Variants in CACNA1A observed in about 807,000 individuals in gnomAD.
CACNA1A encodes voltage-dependent P/Q-type calcium channel subunit alpha-1A.
In CACNA1A, 57 loss-of-function variants were observed where a neutral mutation model predicts 262.4. That is an observed-to-expected ratio of 0.22 (90% confidence interval 0.18 to 0.27). The LOEUF (loss-of-function observed/expected upper bound fraction) is 0.27. Among genes scored for constraint, CACNA1A ranks in the 10% least tolerant of loss-of-function variants. The pLI, the probability that CACNA1A is intolerant of heterozygous loss-of-function variation, is 1.00. For synonymous variants in CACNA1A, 1,431 were observed against 1,419.3 expected (o/e 1.01, Z -0.18); for missense variants, 2,526 against 3,562.8 (o/e 0.71, Z 7.41).
chr19:13,255,265 GGAGA>G lies in CACNA1A; in HGVS notation c.4591-10_4591-7del. 4 of 1,586,832 alleles carry G rather than the reference GGAGA, an allele frequency of 2.5e-6. No individual in the cohort carries two copies. Among genetic ancestry groups the G allele is most frequent in the Non-Finnish European group, 3.4e-6 (4 of 1,160,548 alleles). On this transcript the variant is annotated splice_polypyrimidine_tract_variant and splice_region_variant and intron_variant, in intron 28 of 46. Transcript: ENST00000360228. ...GCGAAATCAATGCAGGCCCTCTGCG[GGAGA>G]GAGGCCAGTGGTGAGAGCGGCAGAG...
intron 22 of CACNA1A, chr19:13,277,457 G>T: frequency 4.8e-6 from 1 of 206,960 alleles, no homozygotes; most frequent in Non-Finnish European, 1.0e-5. Flanking sequence ...AGCGGCCCCA[G>T]AGAAGTTCAG....
In CACNA1A at chr19:13,308,357, C is replaced by T; in HGVS notation, c.1781+59G>A. 1.3e-6 allele frequency: 2 copies of T among 1,537,136 alleles called. No individual in the cohort carries two copies. Among genetic ancestry groups the T allele is most frequent in the Non-Finnish European group, 8.8e-7 (1 of 1,131,280 alleles). Reference sequence around the variant, plus strand: ...ACTTTCCCAACTTTCTGGAGGCGGCCCCACCATGTCCCCCATCCCCACCCC... The same window carrying T: ...ACTTTCCCAACTTTCTGGAGGCGGCTCCACCATGTCCCCCATCCCCACCCC... On this transcript the variant is annotated intron_variant, in intron 13 of 46. Transcript: ENST00000360228. The surrounding 1 kb of genome is among the most constrained non-coding windows in gnomAD (Gnocchi z 4.2).
Position 13,207,113 on chromosome 19 carries a change from C to T in CACNA1A, c.*200G>A. The T allele has an allele frequency of 1.9e-6, 1 of 515,570 alleles. No homozygotes were observed. Among genetic ancestry groups the T allele is most frequent in the Non-Finnish European group, 3.2e-6 (1 of 311,124 alleles). The allele number at this position is 515,570 out of a possible 1,614,324, so 31.9% of individuals were successfully genotyped here. ...GGCTGGTTGGGGGGCGCCGTGGCTGCCCAGGAGGGTCTCTTTTGGCCGAGG... is the reference window on the plus strand; with the variant it reads ...GGCTGGTTGGGGGGCGCCGTGGCTGTCCAGGAGGGTCTCTTTTGGCCGAGG... On this transcript the variant is annotated 3_prime_UTR_variant, in exon 47 of 47. Coordinates refer to ENST00000360228, the MANE Select transcript of CACNA1A (RefSeq NM_001127222.2). The surrounding 1 kb of genome is among the most constrained non-coding windows in gnomAD (Gnocchi z 5.7).
intron 40 of CACNA1A, chr19:13,213,700 T>TTTTTA (rs2054899218): frequency 7.5e-6 from 1 of 133,200 alleles, no homozygotes; most frequent in African/African-American, 2.8e-5. Context: ...TTTTTTTTTT[T>TTTTTA]GAGATAGAGT....
At chr19:13,244,092 C>G (rs2144687807) in intron 31 of CACNA1A, 1 of 152,398 alleles carries the variant, frequency 6.6e-6, no homozygotes, top group South Asian at 2.1e-4. Context: ...CTCTGTCTCT[C>G]CACATTGACA....
chr19:13,416,317 G>T (rs1032294345), intron 3 of CACNA1A, among the ~76,000 whole-genome samples: 1 of 151,970 alleles, frequency 6.6e-6, no homozygotes, highest in Admixed American at 6.6e-5. Context: ...TGCCCAGGCT[G>T]GTCTCAAACT....
At chr19:13,351,028 C>T (rs1035327300) in intron 6 of CACNA1A, among the ~76,000 whole-genome samples, 7 of 152,124 alleles carry the variant, frequency 4.6e-5, no homozygotes, top group South Asian at 4.1e-4. Flanking sequence ...TTGGGAAGAA[C>T]GCTATATAGG....
At chr19:13,371,349 C>T (rs907019564) in intron 4 of CACNA1A, 2 of 220,736 alleles carry the variant, frequency 9.1e-6, no homozygotes, top group African/African-American at 4.5e-5. Context: ...GTTTCAGCCA[C>T]TCTGAGCCTC....
Position 13,218,167 on chromosome 19 carries a change from T to C in CACNA1A, c.5732-3559A>G, listed in dbSNP as rs144392542. ...GTGCAATGGTGCGATCTTGGCTCAC[T>C]GCAACCTCGGCCTCCTAGTTTCAAG... On this transcript the variant is annotated intron_variant, in intron 38 of 46. Coordinates refer to ENST00000360228, the MANE Select transcript of CACNA1A (RefSeq NM_001127222.2). Among the ~76,000 whole-genome samples, 471 of 152,162 alleles carry C rather than the reference T, an allele frequency of 3.1e-3. 1 individual carries two copies. The highest frequency in any genetic ancestry group is 0.011 in the African/African-American group (444 of 41,500).
chr19:13,506,290 G>A lies in CACNA1A; in HGVS notation c.-66C>T. On this transcript the variant is annotated 5_prime_UTR_variant, in exon 1 of 47. Transcript: ENST00000360228. The stretch of plus-strand genomic sequence containing the variant: ...CGATGCGGAAGACGCCGCCGCCGCC[G>A]CCGCCGCCGCTGATGCTGAGGCTGC... 10 of 1,345,176 alleles carry A rather than the reference G, an allele frequency of 7.4e-6. No individual in the cohort carries two copies. The highest frequency in any genetic ancestry group is 1.7e-5 in the South Asian group (1 of 57,210). The allele number at this position is 1,345,176 out of a possible 1,614,324, so 83.3% of individuals were successfully genotyped here. A position where few individuals can be genotyped will look rare whatever the true frequency, so the allele number is the denominator to read the frequency against.
chr19:13,359,461 G>A (rs2145244354), intron 6 of CACNA1A, 145 bp downstream of exon 6: 2 of 620,552 alleles, frequency 3.2e-6, no homozygotes, highest in Non-Finnish European at 5.7e-6. Context: ...TGAGCCTCAG[G>A]CCAGCTTCAG....
At chr19:13,270,898 C>CA (rs1471638286) in intron 24 of CACNA1A, among the ~76,000 whole-genome samples, 9 of 152,334 alleles carry the variant, frequency 5.9e-5, no homozygotes, top group Admixed American at 3.3e-4. Flanking sequence ...ATCCTACTGG[C>CA]AAAATCTCAC....
At chr19:13,485,013 T>G (rs894464827) in intron 1 of CACNA1A, among the ~76,000 whole-genome samples, 4 of 152,232 alleles carry the variant, frequency 2.6e-5, no homozygotes, top group African/African-American at 9.6e-5. Flanking sequence ...TATCCGTCAC[T>G]GTAACTCAGT....
intron 3 of CACNA1A, among the ~76,000 whole-genome samples, chr19:13,445,600 TCA>T (rs986390574): frequency 2.0e-5 from 3 of 152,242 alleles, no homozygotes; most frequent in South Asian, 2.1e-4. Context: ...CTGGTGAGGT[TCA>T]CAGTCTCTTT....
intron 19 of CACNA1A, among the ~76,000 whole-genome samples, chr19:13,288,655 A>C (rs1163209820): frequency 6.6e-6 from 1 of 152,066 alleles, no homozygotes; most frequent in Non-Finnish European, 1.5e-5. Context: ...AGCCATGGAC[A>C]CCTGGGCCCT....
Position 13,467,462 on chromosome 19 carries a change from C to T in CACNA1A, c.294-12250G>A, listed in dbSNP as rs2061268358. Among the ~76,000 whole-genome samples, 3 of 152,010 alleles carry T rather than the reference C, an allele frequency of 2.0e-5. No homozygotes were observed. In the South Asian group the frequency reaches 6.2e-4, roughly 32 times the overall value. On this transcript the variant is annotated intron_variant, in intron 1 of 46. Coordinates refer to ENST00000360228, the MANE Select transcript of CACNA1A (RefSeq NM_001127222.2). ...CTTCACTGCACTCCAGCCTGGGTGA[C>T]ACAGTGAGACCCTATCTTTTAAAAT...
chr19:13,492,747 T>C (rs984777304), intron 1 of CACNA1A, among the ~76,000 whole-genome samples: 1 of 152,106 alleles, frequency 6.6e-6, no homozygotes, highest in Non-Finnish European at 1.5e-5. Flanking sequence ...ATCCTCACCA[T>C]AGTTCACAAA....
chr19:13,298,999 G>T lies in CACNA1A; in HGVS notation c.2634C>A (p.Asp878Glu). 1 of 1,575,740 alleles carries T rather than the reference G, an allele frequency of 6.3e-7. No homozygotes were observed. The change falls in exon 19 of 47, where the codon GAC (aspartate) becomes GAA (glutamate). Residue 878 changes from aspartate (D) to glutamate (E), a missense_variant. Around this residue, in one of 17 missense-constraint regions of CACNA1A, gnomAD observed 765 missense variants for 748.6 expected, o/e 1.02. Transcript: ENST00000360228. The stretch of plus-strand genomic sequence containing the variant: ...GGCTTCCCGCCCAGGGCCTCCGTGC[G>T]TCCAGGCCCGCCGAGCCGCTGGGGT... ...ARDPSGSAGL[D>E]ARRPWAGSQE...
chr19:13,419,658 C>CA (rs1278709150), intron 3 of CACNA1A, among the ~76,000 whole-genome samples: 1 of 152,120 alleles, frequency 6.6e-6, no homozygotes, highest in Non-Finnish European at 1.5e-5. Context: ...GCCTGGGTAA[C>CA]AGAGTGAGAC....
Sources: allele counts gnomAD v4.1 joint callset (sites outside exome capture counted in the v4.1 genomes callset), GRCh38; gene constraint gnomAD v4.1.1; regional missense constraint gnomAD v4.1.1; non-coding constraint Gnocchi (gnomAD v3.1); transcripts MANE v1.5; gene names NCBI Gene and HGNC (gene_info 2026-07-23, HGNC 2026-07-21).